Variants in NSD1 observed in about 807,000 individuals in gnomAD.
The protein encoded by NSD1 is histone-lysine N-methyltransferase, H3 lysine-36 specific.
Under a neutral mutation model 242.7 loss-of-function variants are expected in NSD1, and 26 were observed. The observed-to-expected ratio is 0.11, with a 90% CI of 0.08 to 0.15. The LOEUF (loss-of-function observed/expected upper bound fraction) is 0.15. Among genes scored for constraint, NSD1 ranks in the 10% least tolerant of loss-of-function variants. NSD1 has a pLI of 1.00. For synonymous variants in NSD1, 1,106 were observed against 1,178.1 expected, an observed-to-expected ratio of 0.94 and a Z score of 1.25; for missense variants, 2,495 against 3,272.8, an observed-to-expected ratio of 0.76 and a Z score of 5.80.
intron 17 of NSD1, among the ~76,000 whole-genome samples, chr5:177,276,323 C>CT (rs770573165): frequency 6.1e-4 from 87 of 143,252 alleles, no homozygotes; most frequent in South Asian, 1.1e-3. Context: ...CTTCTGAAGT[C>CT]TTTTTTTTTT....
chr5:177,276,536 G>A (rs1296880945), intron 17 of NSD1, among the ~76,000 whole-genome samples: 3 of 152,152 alleles, frequency 2.0e-5, no homozygotes, highest in Non-Finnish European at 2.9e-5. Flanking sequence ...ATGTTAGCCA[G>A]GCTGGTCTTG....
chr5:177,266,380 A>G (rs570612677), intron 14 of NSD1: 15 of 672,956 alleles, frequency 2.2e-5, no homozygotes, highest in Non-Finnish European at 3.9e-5. Flanking sequence ...GGCGGCGAAC[A>G]TGCAGAGGAT....
At chr5:177,157,726 AC>A (rs1758254615) in intron 2 of NSD1, among the ~76,000 whole-genome samples, 1 of 152,156 alleles carries the variant, frequency 6.6e-6, no homozygotes, top group South Asian at 2.1e-4. Context: ...ACCTTTCATC[AC>A]CCCAAAAGAA....
At chr5:177,154,711 T>A (rs1184976035) in intron 2 of NSD1, among the ~76,000 whole-genome samples, 2 of 152,100 alleles carry the variant, frequency 1.3e-5, no homozygotes, top group African/African-American at 4.8e-5. Flanking sequence ...TATTATTATT[T>A]TTGAGACAGA....
chr5:177,168,675 G>C (rs1276042888), intron 2 of NSD1, among the ~76,000 whole-genome samples: 1 of 152,020 alleles, frequency 6.6e-6, no homozygotes, highest in Non-Finnish European at 1.5e-5. Flanking sequence ...TGGTCAGGCT[G>C]GTCTCGAACT....
intron 2 of NSD1, among the ~76,000 whole-genome samples, chr5:177,174,871 CTTTT>C (rs377543241): frequency 2.2e-5 from 2 of 89,694 alleles, no homozygotes; most frequent in East Asian, 3.2e-4. Context: ...CCTTATCTGA[CTTTT>C]TTTTTTTTTT....
intron 5 of NSD1, chr5:177,220,890 G>T: frequency 2.9e-6 from 1 of 347,928 alleles, no homozygotes; most frequent in Admixed American, 3.9e-5. Flanking sequence ...ATGGAGACAG[G>T]CTCTCCCTCT....
rs1215568879 is a variant in NSD1 at position 177,209,972 on chromosome 5, C to T, written c.1573C>T (p.Arg525Trp). Residue 525 changes from arginine to tryptophan, a missense_variant, in exon 5 of 23, where the codon CGG becomes TGG. By Grantham distance (101) the Arg-to-Trp change is moderately radical (BLOSUM62 -3). Coordinates refer to ENST00000439151, the MANE Select transcript of NSD1 (RefSeq NM_022455.5). ...HIQFEAHKDE[R>W]RGKIPENLGL... The stretch of plus-strand genomic sequence containing the variant: ...ACAATTTGAAGCACATAAAGATGAA[C>T]GGAGGGGAAAGATTCCAGAGAACCT... The T allele has an allele frequency of 8.7e-6, 14 of 1,614,048 alleles. No individual in the cohort carries two copies. Among genetic ancestry groups the T allele is most frequent in the East Asian group, 4.5e-5 (2 of 44,886 alleles).
chr5:177,151,555 A>G (rs1310188198), intron 2 of NSD1, among the ~76,000 whole-genome samples: 1 of 150,114 alleles, frequency 6.7e-6, no homozygotes, highest in Non-Finnish European at 1.5e-5. Flanking sequence ...CGCCCGGCTA[A>G]TTTTTGTATT....
At chr5:177,289,522 C>A (rs924690180) in intron 21 of NSD1, among the ~76,000 whole-genome samples, 1 of 152,184 alleles carries the variant, frequency 6.6e-6, no homozygotes, top group East Asian at 1.9e-4. Flanking sequence ...TTAGTTACCT[C>A]CCTCGTCTTG....
chr5:177,219,649 AT>A (rs1764082416), intron 5 of NSD1, among the ~76,000 whole-genome samples: 1 of 152,074 alleles, frequency 6.6e-6, no homozygotes, highest in Non-Finnish European at 1.5e-5. Context: ...ACTTGGTATG[AT>A]TTCAGTCTTC....
At chr5:177,277,953 A>G (rs1361776293) in intron 17 of NSD1, among the ~76,000 whole-genome samples, 1 of 152,246 alleles carries the variant, frequency 6.6e-6, no homozygotes, top group Middle Eastern at 3.2e-3. Flanking sequence ...GTGAATGTTC[A>G]AATGCCCTAT....
intron 3 of NSD1, 67 bp downstream of exon 3, chr5:177,192,086 TTAATAA>T (rs1418140166): frequency 3.8e-6 from 5 of 1,318,044 alleles, no homozygotes; most frequent in African/African-American, 1.5e-5. Context: ...TTTTGTTATC[TTAATAA>T]TAATATATTT....
chr5:177,208,961 G>T (rs542077877), intron 4 of NSD1, among the ~76,000 whole-genome samples: 1 of 152,000 alleles, frequency 6.6e-6, no homozygotes, highest in Non-Finnish European at 1.5e-5. Flanking sequence ...CTCTGAAAGT[G>T]CTGGGATTAC....
Position 177,294,754 on chromosome 5 carries a change from T to C in NSD1, c.7386T>C (p.Thr2462=), listed in dbSNP as rs1480882012. 1 of 1,614,012 alleles carries C rather than the reference T, an allele frequency of 6.2e-7. No homozygotes were observed. The highest frequency in any genetic ancestry group is 8.5e-7 in the Non-Finnish European group (1 of 1,180,044). ...AALVMDLIDL[T]PRQKERAASP... ...TGGTGATGGATCTCATAGACCTAAC[T>C]CCTCGCCAGAAGGAGCGGGCAGCTT... The change falls in exon 23 of 23, where the codon ACT becomes ACC. Residue 2462 remains threonine (T), a synonymous_variant. Coordinates refer to ENST00000439151, the MANE Select transcript of NSD1 (RefSeq NM_022455.5).
intron 14 of NSD1, chr5:177,266,319 A>C: frequency 1.4e-6 from 1 of 723,162 alleles, no homozygotes; most frequent in East Asian, 2.9e-5. Context: ...TTCACCGCAT[A>C]ATCAGAGCTA....
In NSD1 at chr5:177,295,260, C is replaced by G. The variant is rs758339424; in HGVS notation, c.7892C>G (p.Ser2631Ter). The G allele has an allele frequency of 3.1e-6, 5 of 1,614,258 alleles. No homozygotes were observed. The highest frequency in any genetic ancestry group is 4.2e-6 in the Non-Finnish European group (5 of 1,180,044). ...EQSPWALGKA[S>*]SRAGLWPIVA... Reference sequence around the variant, plus strand: ...AGTCCCTGGGCCCTGGGAAAAGCCTCATCACGGGCAGGGCTCTGGCCCATA... The same window carrying G: ...AGTCCCTGGGCCCTGGGAAAAGCCTGATCACGGGCAGGGCTCTGGCCCATA... Residue 2631 changes from serine (S) to a stop codon, truncating the protein, a stop_gained, in exon 23 of 23, where the codon TCA (serine) becomes TGA (stop). Transcript: ENST00000439151. LOFTEE classifies it high-confidence loss of function. The surrounding 1 kb of genome is among the most constrained non-coding windows in gnomAD (Gnocchi z 4.3).
At position 177,296,365 on chromosome 5, in the gene NSD1, A is replaced by G. The variant is rs895126296; in HGVS notation, c.*906A>G. ...TCTTTCTTTGCTTTTGTTTCTACCT[A>G]TTTTTCTCTTTGTACATGAATCCAC... On this transcript the variant is annotated 3_prime_UTR_variant, in exon 23 of 23. Transcript: ENST00000439151. 8 of 233,096 alleles carry G rather than the reference A, an allele frequency of 3.4e-5. No individual in the cohort carries two copies. Among genetic ancestry groups the G allele is most frequent in the African/African-American group, 1.8e-4 (8 of 45,280 alleles). The allele number at this position is 233,096 out of a possible 1,614,324, so 14.4% of individuals were successfully genotyped here. A position where few individuals can be genotyped will look rare whatever the true frequency, so the allele number is the denominator to read the frequency against.
chr5:177,181,034 T>C (rs928889927), intron 2 of NSD1, among the ~76,000 whole-genome samples: 8 of 149,880 alleles, frequency 5.3e-5, no homozygotes, highest in African/African-American at 2.0e-4. Flanking sequence ...AGCAAAAAAA[T>C]GTGGTTTCTT....
Sources: gnomAD v4.1 joint callset for allele counts (sites outside exome capture counted in the v4.1 genomes callset) on GRCh38, gnomAD v4.1.1 for gene constraint, Gnocchi (gnomAD v3.1) non-coding constraint, MANE v1.5 for transcripts, NCBI Gene and HGNC (gene_info 2026-07-23, HGNC 2026-07-21) for gene names.